GPATCH2: variants seen among roughly 807,000 people sequenced by gnomAD.
GPATCH2 encodes the protein G-patch domain containing 2.
GPATCH2 carries 51 observed loss-of-function variants against 58.0 expected under a neutral mutation model. The observed-to-expected ratio is 0.88, with a 90% CI of 0.70 to 1.11. GPATCH2 has a LOEUF of 1.11. Ranked by LOEUF, GPATCH2 falls within the 50% of genes most tolerant of loss-of-function variation. The probability of loss-of-function intolerance (pLI) is 0.00; values close to 1 mark genes in which losing one functional copy is unlikely to be tolerated. For missense variants in GPATCH2, 625 were observed against 652.2 expected, an observed-to-expected ratio of 0.96 and a Z score of 0.45; for synonymous variants, 222 against 218.5, an observed-to-expected ratio of 1.02 and a Z score of -0.14.
Position 217,607,250 on chromosome 1 carries a change from C to T in GPATCH2, c.1098+3071G>A, listed in dbSNP as rs972442964. Among the ~76,000 whole-genome samples the T allele has an allele frequency of 7.2e-5, 11 of 152,254 alleles. No individual in the cohort carries two copies. In the South Asian group the frequency reaches 8.3e-4, roughly 11 times the overall value. ...CAGAGCAGTGAAAAATGTTGAGTTGCCCGACATACACGTGCATTCCTACCA... is the reference window on the plus strand; with the variant it reads ...CAGAGCAGTGAAAAATGTTGAGTTGTCCGACATACACGTGCATTCCTACCA... On this transcript the variant is annotated intron_variant, in intron 5 of 9. Transcript: ENST00000366935.
In GPATCH2 at chr1:217,491,683, C is replaced by A; in HGVS notation, c.1274G>T (p.Ser425Ile). Residue 425 changes from serine to isoleucine, a missense_variant, in exon 8 of 10, where the codon AGC becomes ATC. Ser to Ile is a moderately radical substitution (Grantham distance 142). Coordinates refer to ENST00000366935, the MANE Select transcript of GPATCH2 (RefSeq NM_018040.5). ...AAAGCGATTTTGAATTGCTTACCTG[C>A]TGGCTGTTCTCACAGAACAATTTTT... Reference protein sequence around the residue: ...HKKNCSVRTASRQTSMHLGSL... With the variant: ...HKKNCSVRTAIRQTSMHLGSL... 6.9e-7 allele frequency: 1 copy of A among 1,442,996 alleles called. No homozygotes were observed. The highest frequency in any genetic ancestry group is 1.2e-5 in the South Asian group (1 of 83,966). The allele number at this position is 1,442,996 out of a possible 1,614,324, so 89.4% of individuals were successfully genotyped here.
chr1:217,601,668 A>T (rs138047096), intron 5 of GPATCH2, among the ~76,000 whole-genome samples: 35 of 152,218 alleles, frequency 2.3e-4, no homozygotes, highest in African/African-American at 8.2e-4. Context: ...TAAAAGGGCA[A>T]TTAGAAGAAA....
At chr1:217,630,033 T>C (rs1208291960) in intron 1 of GPATCH2, among the ~76,000 whole-genome samples, 1 of 152,210 alleles carries the variant, frequency 6.6e-6, no homozygotes. Flanking sequence ...GTCAGAACTT[T>C]ATGTTTGAGG....
chr1:217,492,908 G>A (rs968886516), intron 7 of GPATCH2, among the ~76,000 whole-genome samples: 6 of 152,100 alleles, frequency 3.9e-5, no homozygotes, highest in South Asian at 2.1e-4. Context: ...TTCTAATGAC[G>A]AATAACTGCT....
intron 5 of GPATCH2, among the ~76,000 whole-genome samples, chr1:217,598,425 C>T (rs969296781): frequency 2.6e-5 from 4 of 151,752 alleles, no homozygotes; most frequent in Admixed American, 6.6e-5. Flanking sequence ...AGGTCATACC[C>T]GGTAAATAAC....
At chr1:217,537,388 G>T (rs977769075) in intron 5 of GPATCH2, among the ~76,000 whole-genome samples, 1 of 151,998 alleles carries the variant, frequency 6.6e-6, no homozygotes, top group African/African-American at 2.4e-5. Flanking sequence ...TTGCTACATT[G>T]AAATTAATTA....
At chr1:217,491,478 T>G (rs1661730473) in intron 8 of GPATCH2, 1 of 244,216 alleles carries the variant, frequency 4.1e-6, no homozygotes, top group African/African-American at 2.3e-5. Flanking sequence ...AAATTAATTA[T>G]TTTTTACAAG....
intron 6 of GPATCH2, among the ~76,000 whole-genome samples, chr1:217,512,563 G>A (rs77743723): frequency 0.015 from 2,330 of 152,326 alleles, 20 homozygotes; most frequent in Non-Finnish European, 0.023. Flanking sequence ...CCTACCTGCT[G>A]GAGGCCATGG....
intron 9 of GPATCH2, among the ~76,000 whole-genome samples, chr1:217,435,679 T>G (rs2102527343): frequency 6.6e-6 from 1 of 152,330 alleles, no homozygotes; most frequent in African/African-American, 2.4e-5. Context: ...TTCTCATTAT[T>G]ATTAGGAACA....
Position 217,558,230 on chromosome 1 carries a change from T to C in GPATCH2, c.1099-43341A>G, listed in dbSNP as rs545762504. On this transcript the variant is annotated intron_variant, in intron 5 of 9. Coordinates refer to ENST00000366935, the MANE Select transcript of GPATCH2 (RefSeq NM_018040.5). ...CTAATGTCACCTCATCTGTACAGTG[T>C]TGATAACCACTGTCCTGAAGGGTTT... Among the ~76,000 whole-genome samples, 7 of 152,290 alleles carry C rather than the reference T, an allele frequency of 4.6e-5. No individual in the cohort carries two copies. In the South Asian group the frequency reaches 1.5e-3, roughly 32 times the overall value.
intron 1 of GPATCH2, among the ~76,000 whole-genome samples, chr1:217,621,008 T>TA (rs1420312092): frequency 6.6e-6 from 1 of 152,210 alleles, no homozygotes; most frequent in Non-Finnish European, 1.5e-5. Flanking sequence ...ATTAGTAATA[T>TA]ACGTGAAAGT....
chr1:217,519,756 C>A, intron 5 of GPATCH2, among the ~76,000 whole-genome samples: 1 of 152,174 alleles, frequency 6.6e-6, no homozygotes, highest in East Asian at 1.9e-4. Context: ...CTTATGCAGC[C>A]ACTGAGAGCT....
intron 5 of GPATCH2, among the ~76,000 whole-genome samples, chr1:217,598,221 A>T (rs1342417476): frequency 1.3e-5 from 2 of 151,984 alleles, no homozygotes; most frequent in Non-Finnish European, 2.9e-5. Flanking sequence ...CCCTGACTCT[A>T]CTAAAAATAC....
chr1:217,564,247 T>C (rs1238764235), intron 5 of GPATCH2, among the ~76,000 whole-genome samples: 3 of 152,148 alleles, frequency 2.0e-5, no homozygotes, highest in Admixed American at 6.5e-5. Flanking sequence ...GACCAGATGA[T>C]AGCCATATAT....
chr1:217,439,824 G>T (rs929820774), intron 9 of GPATCH2, among the ~76,000 whole-genome samples: 7 of 152,112 alleles, frequency 4.6e-5, no homozygotes, highest in Non-Finnish European at 2.9e-5. Context: ...GGAAGAAGTC[G>T]AATCCCTGAA....
intron 7 of GPATCH2, among the ~76,000 whole-genome samples, chr1:217,492,161 T>G (rs778528025): frequency 1.3e-5 from 2 of 152,210 alleles, no homozygotes; most frequent in Non-Finnish European, 2.9e-5. Flanking sequence ...CCTTCACTGT[T>G]GCATTCAGCT....
chr1:217,523,779 C>T (rs1324373502), intron 5 of GPATCH2, among the ~76,000 whole-genome samples: 3 of 139,456 alleles, frequency 2.2e-5, no homozygotes, highest in Non-Finnish European at 3.1e-5. Context: ...ACCTCCCGGA[C>T]GGGGCGGCTG....
intron 6 of GPATCH2, among the ~76,000 whole-genome samples, chr1:217,512,550 A>T (rs1175159763): frequency 6.6e-6 from 1 of 152,194 alleles, no homozygotes; most frequent in Non-Finnish European, 1.5e-5. Context: ...CTAAAGACCT[A>T]TACCTACCTG....
At chr1:217,585,454 C>G (rs1220822971) in intron 5 of GPATCH2, among the ~76,000 whole-genome samples, 1 of 152,154 alleles carries the variant, frequency 6.6e-6, no homozygotes, top group Non-Finnish European at 1.5e-5. Context: ...AACCCCATCT[C>G]TACTAAAAAT....
Sources: allele counts gnomAD v4.1 joint callset (sites outside exome capture counted in the v4.1 genomes callset), GRCh38; gene constraint gnomAD v4.1.1; transcripts MANE v1.5; gene names NCBI Gene and HGNC (gene_info 2026-07-23, HGNC 2026-07-21).